Variants in VPS13B observed in about 807,000 individuals in gnomAD.
VPS13B encodes the protein vacuolar protein sorting 13 homolog B, also known as intermembrane lipid transfer protein VPS13B.
In VPS13B, 285 loss-of-function variants were observed where a neutral mutation model predicts 426.4. That is an observed-to-expected ratio of 0.67 (90% CI 0.61 to 0.74). The LOEUF is 0.74. Ranked by LOEUF, VPS13B falls within the 30% of genes least tolerant of loss-of-function variation. The pLI, the probability that VPS13B is intolerant of heterozygous loss-of-function variation, is 0.00. For missense variants in VPS13B, 4,537 were observed against 4,782.6 expected, an observed-to-expected ratio of 0.95 and a Z score of 1.51; for synonymous variants, 1,676 against 1,676.4, an observed-to-expected ratio of 1.00 and a Z score of 0.01.
chr8:99,067,252 G>A (rs1443881582), intron 3 of VPS13B, among the ~76,000 whole-genome samples: 1 of 152,098 alleles, frequency 6.6e-6, no homozygotes, highest in Non-Finnish European at 1.5e-5. Flanking sequence ...CCAAATGTCT[G>A]TCAATGATAG....
intron 19 of VPS13B, among the ~76,000 whole-genome samples, chr8:99,292,994 T>G (rs892390343): frequency 1.3e-5 from 2 of 152,136 alleles, no homozygotes; most frequent in South Asian, 2.1e-4. Flanking sequence ...CAGGGATCAT[T>G]TCTATAGTTT....
intron 31 of VPS13B, among the ~76,000 whole-genome samples, chr8:99,571,995 CA>C (rs1185089370): frequency 1.3e-5 from 2 of 151,982 alleles, no homozygotes; most frequent in African/African-American, 4.8e-5. Context: ...CTGATAAAAA[CA>C]AAAAATGGTG....
intron 35 of VPS13B, among the ~76,000 whole-genome samples, chr8:99,662,314 G>C (rs966128915): frequency 3.3e-5 from 5 of 151,782 alleles, no homozygotes; most frequent in Non-Finnish European, 7.4e-5. Context: ...CTTCCGTATA[G>C]TCTTAGCTAT....
At chr8:99,518,966 T>C (rs1822231742) in intron 29 of VPS13B, among the ~76,000 whole-genome samples, 2 of 152,316 alleles carry the variant, frequency 1.3e-5, no homozygotes, top group African/African-American at 4.8e-5. Context: ...AGAGAAATTA[T>C]AAGTTTTAAT....
chr8:99,496,527 T>C (rs933556023), intron 25 of VPS13B, among the ~76,000 whole-genome samples: 1 of 152,094 alleles, frequency 6.6e-6, no homozygotes, highest in Non-Finnish European at 1.5e-5. Flanking sequence ...GGCAGGCACC[T>C]GTAGTCCCAG....
intron 30 of VPS13B, among the ~76,000 whole-genome samples, chr8:99,524,453 A>G (rs1368989511): frequency 6.6e-6 from 1 of 152,200 alleles, no homozygotes; most frequent in African/African-American, 2.4e-5. Context: ...CCCAAAGGTC[A>G]AGGATAAAAA....
intron 3 of VPS13B, among the ~76,000 whole-genome samples, chr8:99,043,493 A>G (rs1843066526): frequency 1.3e-5 from 2 of 152,124 alleles, no homozygotes; most frequent in Admixed American, 6.5e-5. Context: ...CTTGAATGTT[A>G]TAATAAATGG....
chr8:99,205,707 G>T (rs1016530145), intron 17 of VPS13B, among the ~76,000 whole-genome samples: 113 of 152,202 alleles, frequency 7.4e-4, no homozygotes, highest in African/African-American at 2.6e-3. Context: ...GAATATTGTT[G>T]TTGGCAGGTT....
intron 33 of VPS13B, among the ~76,000 whole-genome samples, chr8:99,631,634 A>C (rs531373635): frequency 6.6e-6 from 1 of 152,032 alleles, no homozygotes; most frequent in Non-Finnish European, 1.5e-5. Flanking sequence ...TCTGACTAAA[A>C]AAAACTCAAA....
chr8:99,261,645 C>G (rs1436827493), intron 17 of VPS13B, among the ~76,000 whole-genome samples: 1 of 152,118 alleles, frequency 6.6e-6, no homozygotes, highest in Non-Finnish European at 1.5e-5. Context: ...ATCAAACTGT[C>G]TTGCAGAGTG....
At chr8:99,424,751 G>T (rs550308447) in intron 21 of VPS13B, among the ~76,000 whole-genome samples, 3 of 151,616 alleles carry the variant, frequency 2.0e-5, no homozygotes, top group Non-Finnish European at 4.4e-5. Context: ...CCTTCAAAAC[G>T]CTTCAAAAAA....
At chr8:99,540,048 TATATATATATATA>T (rs1563785056) in intron 30 of VPS13B, among the ~76,000 whole-genome samples, 7 of 5,232 alleles carry the variant, frequency 1.3e-3, no homozygotes, top group Non-Finnish European at 1.5e-3. Context: ...TATATATATA[TATATATATATATA>T]TATTTTTTTT....
intron 25 of VPS13B, among the ~76,000 whole-genome samples, chr8:99,495,646 T>A (rs375780341): frequency 6.6e-6 from 1 of 152,216 alleles, no homozygotes; most frequent in East Asian, 1.9e-4. Context: ...CCCTATACTG[T>A]TAATCTTACA....
In VPS13B at chr8:99,474,183, A is replaced by ATTTTT. The variant is rs34752686; in HGVS notation, c.3666+6565_3666+6569dup. On this transcript the variant is annotated intron_variant, in intron 24 of 61. Transcript: ENST00000357162. ...TCTTCAAACAATGGACTGTTATCCA[A>ATTTTT]TTTTTTTTTTTTTTTTTTTTGTGGA... Among the ~76,000 whole-genome samples the ATTTTT allele has an allele frequency of 2.9e-4, 36 of 124,992 alleles. 3 individuals carry two copies. The highest frequency in any genetic ancestry group is 6.8e-4 in the African/African-American group (21 of 30,722). 82.0% of individuals were successfully genotyped at this position (124,992 alleles called of 152,430 possible).
At chr8:99,808,574 C>A (rs924878578) in intron 43 of VPS13B, among the ~76,000 whole-genome samples, 6 of 148,670 alleles carry the variant, frequency 4.0e-5, no homozygotes. Context: ...ACGTTGTTTT[C>A]ATTTAAACCT....
At chr8:99,530,730 T>G (rs1206616514) in intron 30 of VPS13B, among the ~76,000 whole-genome samples, 1 of 152,174 alleles carries the variant, frequency 6.6e-6, no homozygotes, top group African/African-American at 2.4e-5. Context: ...ATGCAATGCC[T>G]ACATCTCGGT....
At chr8:99,042,154 A>T (rs901022280) in intron 3 of VPS13B, among the ~76,000 whole-genome samples, 10 of 151,974 alleles carry the variant, frequency 6.6e-5, no homozygotes, top group South Asian at 2.1e-4. Flanking sequence ...AAAAAAAAAA[A>T]TTTGAAAATC....
chr8:99,081,835 C>T (rs1038928187), intron 3 of VPS13B, among the ~76,000 whole-genome samples: 2 of 151,892 alleles, frequency 1.3e-5, no homozygotes, highest in Non-Finnish European at 2.9e-5. Context: ...TGTATATGTG[C>T]CACATTTTCT....
At chr8:99,432,686 G>A (rs1403670631) in intron 22 of VPS13B, among the ~76,000 whole-genome samples, 1 of 152,120 alleles carries the variant, frequency 6.6e-6, no homozygotes, top group African/African-American at 2.4e-5. Flanking sequence ...TTTACCTGAA[G>A]ACTATACTGG....
Sources: gnomAD v4.1 joint callset for allele counts (sites outside exome capture counted in the v4.1 genomes callset) on GRCh38, gnomAD v4.1.1 for gene constraint, MANE v1.5 for transcripts, NCBI Gene and HGNC (gene_info 2026-07-23, HGNC 2026-07-21) for gene names.